The following XKR9 variants were observed in gnomAD, a reference collection of about 807,000 sequenced individuals.
XKR9 encodes the protein XK-related protein 9.
Under a neutral mutation model 32.0 loss-of-function variants are expected in XKR9, and 32 were observed. The observed-to-expected ratio is 1.00, with a 90% CI of 0.76 to 1.34. The LOEUF (loss-of-function observed/expected upper bound fraction) is 1.34, where lower values mean the gene tolerates loss of function less well. XKR9 is among the 40% of genes most tolerant of loss of function. XKR9 has a pLI of 0.00. For missense variants in XKR9, 546 were observed against 429.7 expected, an observed-to-expected ratio of 1.27 and a Z score of -2.39; for synonymous variants, 168 against 143.4, an observed-to-expected ratio of 1.17 and a Z score of -1.22.
At chr8:71,032,215 C>G in the XKR9 span, among the ~76,000 whole-genome samples, 26 of 134,114 alleles carry the variant, frequency 1.9e-4, no homozygotes, top group African/African-American at 7.1e-4. Context: ...ACCTGGGAGA[C>G]AGAGGTTGCA....
At chr8:70,716,013 G>A (rs911611894) in intron 4 of XKR9, among the ~76,000 whole-genome samples, 2 of 151,856 alleles carry the variant, frequency 1.3e-5, no homozygotes, top group Non-Finnish European at 2.9e-5. Context: ...CCAGGAAACA[G>A]GAAAGTAATA....
intron 2 of XKR9, among the ~76,000 whole-genome samples, chr8:70,760,395 G>T (rs1317179881): frequency 6.6e-6 from 1 of 152,184 alleles, no homozygotes; most frequent in Non-Finnish European, 1.5e-5. Context: ...GTGCACCTTA[G>T]AGTCGTCACA....
At chr8:70,747,469 GAA>G (rs538801088) in intron 2 of XKR9, among the ~76,000 whole-genome samples, 2 of 152,176 alleles carry the variant, frequency 1.3e-5, no homozygotes, top group Non-Finnish European at 2.9e-5. Context: ...TTAAGAAGTA[GAA>G]GAGAGACCTG....
chr8:71,060,428 T>C, the XKR9 span, among the ~76,000 whole-genome samples: 1 of 152,328 alleles, frequency 6.6e-6, no homozygotes, highest in Admixed American at 6.5e-5. Context: ...TTTACAGTGC[T>C]TATCTTCACT....
chr8:70,902,805 C>T, the XKR9 span, among the ~76,000 whole-genome samples: 11 of 152,164 alleles, frequency 7.2e-5, no homozygotes, highest in Non-Finnish European at 1.6e-4. Flanking sequence ...AACGTCTCAT[C>T]AGTACCTTGT....
chr8:70,702,957 C>T (rs984343536), intron 3 of XKR9, among the ~76,000 whole-genome samples: 5 of 152,122 alleles, frequency 3.3e-5, no homozygotes, highest in African/African-American at 1.2e-4. Context: ...AGTCAGCCAA[C>T]ACTCTCATTG....
the XKR9 span, among the ~76,000 whole-genome samples, chr8:71,057,295 C>G: frequency 6.6e-6 from 1 of 152,258 alleles, no homozygotes; most frequent in South Asian, 2.1e-4. Context: ...ATTTGTTCAT[C>G]CACAGAACTG....
At chr8:70,918,241 T>G in the XKR9 span, among the ~76,000 whole-genome samples, 1 of 152,112 alleles carries the variant, frequency 6.6e-6, no homozygotes, top group Non-Finnish European at 1.5e-5. Flanking sequence ...AGACAAAGTA[T>G]CCAGAGATTA....
intron 4 of XKR9, among the ~76,000 whole-genome samples, chr8:70,714,201 C>T (rs1318062772): frequency 6.6e-6 from 1 of 152,034 alleles, no homozygotes; most frequent in African/African-American, 2.4e-5. Context: ...TTTAACTTTA[C>T]CTCCTTATAG....
chr8:70,777,966 C>A (rs1286741732), intron 2 of XKR9, among the ~76,000 whole-genome samples: 1 of 152,118 alleles, frequency 6.6e-6, no homozygotes. Flanking sequence ...AATTAGATCC[C>A]ATTTGTCAAT....
At chr8:71,053,593 A>G in the XKR9 span, among the ~76,000 whole-genome samples, 2 of 152,040 alleles carry the variant, frequency 1.3e-5, no homozygotes, top group Non-Finnish European at 2.9e-5. Flanking sequence ...GATGTTTCTG[A>G]TTGACACCTA....
intron 2 of XKR9, among the ~76,000 whole-genome samples, chr8:70,764,055 A>G (rs1016592622): frequency 1.3e-5 from 2 of 152,222 alleles, no homozygotes; most frequent in African/African-American, 4.8e-5. Context: ...TTTTGAGTCT[A>G]TAGCCTTATT....
the XKR9 span, among the ~76,000 whole-genome samples, chr8:70,811,027 C>T: frequency 2.9e-3 from 445 of 152,182 alleles, 6 homozygotes; most frequent in African/African-American, 0.01. Context: ...CAAAATTGAC[C>T]ACATACTTGG....
the XKR9 span, among the ~76,000 whole-genome samples, chr8:70,910,185 G>A: frequency 1.3e-5 from 2 of 152,060 alleles, no homozygotes; most frequent in East Asian, 1.9e-4. Flanking sequence ...CTTTCTTAAG[G>A]GCTCTCCCAA....
At chr8:70,820,836 C>A in the XKR9 span, among the ~76,000 whole-genome samples, 158 of 152,280 alleles carry the variant, frequency 1.0e-3, 1 homozygote, top group Middle Eastern at 6.8e-3. Flanking sequence ...TCTTTCTTGA[C>A]ATGTGGGGAT....
chr8:70,907,924 T>A, the XKR9 span, among the ~76,000 whole-genome samples: 2 of 152,254 alleles, frequency 1.3e-5, no homozygotes, highest in African/African-American at 2.4e-5. Flanking sequence ...TAAAAGGAAA[T>A]TATTTTGTTT....
chr8:70,773,419 C>A (rs1388022276), intron 2 of XKR9, among the ~76,000 whole-genome samples: 1 of 152,184 alleles, frequency 6.6e-6, no homozygotes, highest in Non-Finnish European at 1.5e-5. Flanking sequence ...AGCAACACAA[C>A]TTTTTTACTT....
At chr8:70,836,355 C>T in the XKR9 span, among the ~76,000 whole-genome samples, 2 of 152,026 alleles carry the variant, frequency 1.3e-5, no homozygotes, top group Non-Finnish European at 2.9e-5. Flanking sequence ...TGTCCTTGCT[C>T]CCTACCCTGA....
At chr8:70,839,428 G>A in the XKR9 span, among the ~76,000 whole-genome samples, 1 of 152,084 alleles carries the variant, frequency 6.6e-6, no homozygotes, top group Admixed American at 6.6e-5. Flanking sequence ...TTAAGACTTG[G>A]TGTTTAAATA....
Sources: allele counts gnomAD v4.1 joint callset (sites outside exome capture counted in the v4.1 genomes callset), GRCh38; gene constraint gnomAD v4.1.1; transcripts MANE v1.5; gene names NCBI Gene and HGNC (gene_info 2026-07-23, HGNC 2026-07-21).